The following CNTN4 variants were observed in gnomAD, a reference collection of about 807,000 sequenced individuals.
CNTN4 encodes contactin 4.
Under a neutral mutation model 122.5 loss-of-function variants are expected in CNTN4, and 77 were observed. That is an observed-to-expected ratio of 0.63 (90% CI 0.52 to 0.76). The LOEUF is 0.76. Ranked by LOEUF, CNTN4 falls within the 30% of genes least tolerant of loss-of-function variation. CNTN4 has a pLI of 0.00. For missense variants in CNTN4, 1,256 were observed against 1,259.1 expected, an observed-to-expected ratio of 1.00 and a Z score of 0.04; for synonymous variants, 512 against 447.0, an observed-to-expected ratio of 1.15 and a Z score of -1.83.
chr3:2,771,451 C>T (rs932391621), intron 6 of CNTN4, among the ~76,000 whole-genome samples: 30 of 152,186 alleles, frequency 2.0e-4, no homozygotes, highest in African/African-American at 7.0e-4. Context: ...TACATGGCTA[C>T]CTCTTCTCTC....
chr3:2,339,574 A>T (rs2044102163), intron 3 of CNTN4, among the ~76,000 whole-genome samples: 1 of 152,216 alleles, frequency 6.6e-6, no homozygotes, highest in Non-Finnish European at 1.5e-5. Context: ...ATGGTTTCAT[A>T]GGAGAGGATG....
At chr3:2,330,353 T>C (rs1145031) in intron 2 of CNTN4, among the ~76,000 whole-genome samples, 101,503 of 151,888 alleles carry the variant, frequency 0.67, 34,694 homozygotes, top group East Asian at 0.95. Flanking sequence ...GACTTCACTA[T>C]AGAGGCATGA....
intron 3 of CNTN4, among the ~76,000 whole-genome samples, chr3:2,355,947 A>T (rs1253381761): frequency 2.6e-5 from 4 of 152,176 alleles, no homozygotes; most frequent in Non-Finnish European, 4.4e-5. Flanking sequence ...ATATAACAAC[A>T]CCGGGAAGCC....
chr3:2,151,513 A>C (rs988055664), intron 2 of CNTN4, among the ~76,000 whole-genome samples: 14 of 152,046 alleles, frequency 9.2e-5, no homozygotes, highest in African/African-American at 2.7e-4. Flanking sequence ...GTGCTATCCA[A>C]GGTGCTTGGG....
intron 3 of CNTN4, among the ~76,000 whole-genome samples, chr3:2,534,331 C>T (rs1178807462): frequency 1.3e-5 from 2 of 152,122 alleles, no homozygotes; most frequent in Non-Finnish European, 2.9e-5. Context: ...TATGGCTAGC[C>T]AGTTTTCCCA....
At chr3:2,482,515 T>A in intron 3 of CNTN4, among the ~76,000 whole-genome samples, 1 of 152,074 alleles carries the variant, frequency 6.6e-6, no homozygotes, top group Middle Eastern at 3.2e-3. Flanking sequence ...TATATCACCA[T>A]GACAATGGGG....
chr3:2,565,704 G>T (rs1393176736), intron 3 of CNTN4, among the ~76,000 whole-genome samples: 1 of 152,166 alleles, frequency 6.6e-6, no homozygotes, highest in African/African-American at 2.4e-5. Context: ...TGAACATTAA[G>T]ATTTTACTGT....
chr3:2,234,981 T>G (rs917338418), intron 2 of CNTN4, among the ~76,000 whole-genome samples: 4 of 152,116 alleles, frequency 2.6e-5, no homozygotes, highest in South Asian at 2.1e-4. Context: ...TTTATTTTTT[T>G]GGGGAAAAAA....
rs188207185 is a variant in CNTN4, at chr3:2,317,906, A to G, written c.-144-21272A>G. On this transcript the variant is annotated intron_variant, in intron 2 of 24. Transcript: ENST00000418658. ...GTTATCTTACTTTTGCATCAACGAT[A>G]TAGATGCCTTTGGTATGACTTACAG... is the stretch of plus-strand genomic sequence containing the variant. Among the ~76,000 whole-genome samples the G allele has an allele frequency of 9.2e-5, 14 of 152,300 alleles. No homozygotes were observed. The East Asian group carries it at 2.5e-3, about 27-fold the overall frequency.
chr3:2,371,091 G>C (rs2045614893), intron 3 of CNTN4, among the ~76,000 whole-genome samples: 1 of 152,140 alleles, frequency 6.6e-6, no homozygotes, highest in Admixed American at 6.5e-5. Context: ...TGTGTAGAAT[G>C]GTTGCTGATC....
chr3:2,789,923 G>C (rs2091956334), intron 6 of CNTN4, among the ~76,000 whole-genome samples: 1 of 152,188 alleles, frequency 6.6e-6, no homozygotes. Context: ...AGTGCTTATG[G>C]TGTTTAGCCA....
chr3:2,853,182 GA>G (rs952393738), intron 7 of CNTN4, among the ~76,000 whole-genome samples: 1,368 of 135,248 alleles, frequency 0.01, 22 homozygotes, highest in African/African-American at 0.033. Flanking sequence ...ACAGGGGACG[GA>G]AAAAAAAAAA....
At chr3:2,487,316 C>T (rs11713873) in intron 3 of CNTN4, among the ~76,000 whole-genome samples, 44,134 of 151,994 alleles carry the variant, frequency 0.29, 7,300 homozygotes, top group Admixed American at 0.42. Flanking sequence ...ATTACCAATT[C>T]GTAGTATGGA....
chr3:2,473,115 C>T (rs1013436328), intron 3 of CNTN4, among the ~76,000 whole-genome samples: 2 of 151,390 alleles, frequency 1.3e-5, no homozygotes, highest in Non-Finnish European at 2.9e-5. Flanking sequence ...CCTGTAATCC[C>T]AGGTACTCAG....
At chr3:2,927,685 A>G (rs1171103884) in intron 13 of CNTN4, 1 of 156,130 alleles carries the variant, frequency 6.4e-6, no homozygotes, top group African/African-American at 2.4e-5. Flanking sequence ...TGTTTCCACC[A>G]CTTGACTTAC....
intron 3 of CNTN4, among the ~76,000 whole-genome samples, chr3:2,562,803 A>G (rs963426796): frequency 2.0e-5 from 3 of 151,882 alleles, no homozygotes; most frequent in Non-Finnish European, 2.9e-5. Context: ...GGCTCACTGC[A>G]GACTCCAAAT....
At chr3:3,030,812 C>G (rs2125674394) in intron 15 of CNTN4, 43 bp from the exon 16 acceptor site, 1 of 1,602,032 alleles carries the variant, frequency 6.2e-7, no homozygotes, top group Non-Finnish European at 8.6e-7. Flanking sequence ...ATATTTAGAG[C>G]TCATTAAAAA....
intron 3 of CNTN4, among the ~76,000 whole-genome samples, chr3:2,460,059 G>A (rs146303084): frequency 2.0e-5 from 3 of 152,130 alleles, no homozygotes; most frequent in African/African-American, 7.2e-5. Context: ...CTATCTCTGG[G>A]CTGAGTTACG....
chr3:2,805,848 C>G (rs2092453967), intron 6 of CNTN4, among the ~76,000 whole-genome samples: 1 of 152,064 alleles, frequency 6.6e-6, no homozygotes, highest in Admixed American at 6.6e-5. Flanking sequence ...TCACCGCCAG[C>G]AAAAAGTACA....
Sources: gnomAD v4.1 joint callset for allele counts (sites outside exome capture counted in the v4.1 genomes callset) on GRCh38, gnomAD v4.1.1 for gene constraint, MANE v1.5 for transcripts, NCBI Gene and HGNC (gene_info 2026-07-23, HGNC 2026-07-21) for gene names.